Variants in AP1G1 observed in about 807,000 individuals in gnomAD.
The protein encoded by AP1G1 is AP-1 complex subunit gamma-1.
In AP1G1, 7 loss-of-function variants were observed where a neutral mutation model predicts 108.3. The observed-to-expected ratio is 0.06, with a 90% CI of 0.04 to 0.12. The LOEUF (loss-of-function observed/expected upper bound fraction) is 0.12, where lower values mean the gene tolerates loss of function less well. Among genes scored for constraint, AP1G1 ranks in the 10% least tolerant of loss-of-function variants. The probability of loss-of-function intolerance (pLI) is 1.00; values close to 1 mark genes in which losing one functional copy is unlikely to be tolerated. For missense variants in AP1G1, 756 were observed against 1,010.7 expected (o/e 0.75, Z 3.42); for synonymous variants, 379 against 353.5 (o/e 1.07, Z -0.81).
At chr16:71,740,512 T>C (rs566699332) in intron 19 of AP1G1, among the ~76,000 whole-genome samples, 178 of 152,360 alleles carry the variant, frequency 1.2e-3, no homozygotes, top group African/African-American at 4.1e-3. Context: ...TCTGTCATCT[T>C]GATAATGAAT....
intron 6 of AP1G1, 103 bp from the exon 7 acceptor site, chr16:71,765,687 A>G: frequency 1.2e-6 from 1 of 829,776 alleles, no homozygotes; most frequent in Admixed American, 2.0e-5. Context: ...GTCCCAGTCC[A>G]AGCAAATTCT....
intron 4 of AP1G1, among the ~76,000 whole-genome samples, chr16:71,771,683 T>C (rs925906348): frequency 1.3e-5 from 2 of 152,240 alleles, no homozygotes; most frequent in African/African-American, 2.4e-5. Context: ...GTATGGTTAA[T>C]ATGAATTTAT....
At chr16:71,794,285 T>C (rs552712571) in intron 1 of AP1G1, among the ~76,000 whole-genome samples, 1 of 152,334 alleles carries the variant, frequency 6.6e-6, no homozygotes, top group African/African-American at 2.4e-5. Flanking sequence ...CACTTACATT[T>C]AGTATTTCGA....
At chr16:71,759,284 C>T (rs934684753) in intron 10 of AP1G1, among the ~76,000 whole-genome samples, 2 of 151,682 alleles carry the variant, frequency 1.3e-5, no homozygotes, top group East Asian at 3.9e-4. Context: ...ATGGTGAAAC[C>T]CTATCTCTAA....
Position 71,733,115 on chromosome 16 carries a change from G to A in AP1G1, c.2412C>T (p.Gly804=). 6.2e-7 allele frequency: 1 copy of A among 1,614,136 alleles called. No individual in the cohort carries two copies. The highest frequency in any genetic ancestry group is 8.5e-7 in the Non-Finnish European group (1 of 1,180,012). The stretch of plus-strand genomic sequence containing the variant: ...CCTCTGCTAGATCTTGCATTGCTGA[G>A]CCCTTGTGATTATATGTAAGCTTGA... The part of the protein sequence containing the change: ...MRIKLTYNHK[G]SAMQDLAEVN... Residue 804 remains glycine, a synonymous_variant, in exon 23 of 23, where the codon GGC becomes GGT. Transcript: ENST00000299980.
At chr16:71,782,284 C>T (rs2032048616) in intron 2 of AP1G1, among the ~76,000 whole-genome samples, 1 of 151,876 alleles carries the variant, frequency 6.6e-6, no homozygotes, top group Non-Finnish European at 1.5e-5. Flanking sequence ...AAGCCTCAGC[C>T]TCCGGAATAC....
rs2045469885 is a variant in AP1G1, at chr16:71,730,956, A to T, written c.*2102T>A. 1 of 152,380 alleles carries T rather than the reference A, an allele frequency of 6.6e-6. No homozygotes were observed. The highest frequency in any genetic ancestry group is 2.4e-5 in the African/African-American group (1 of 41,468). The allele number at this position is 152,380 out of a possible 1,614,324, so 9.4% of individuals were successfully genotyped here. A position where few individuals can be genotyped will look rare whatever the true frequency, so the allele number is the denominator to read the frequency against. Reference sequence around the variant, plus strand: ...CAGAGATTCAACCCAGTTCAAATAAAAAAACCTGAGCTGGTTAGCTACAAA... The same window carrying T: ...CAGAGATTCAACCCAGTTCAAATAATAAAACCTGAGCTGGTTAGCTACAAA... On this transcript the variant is annotated 3_prime_UTR_variant, in exon 23 of 23. Coordinates refer to ENST00000299980, the MANE Select transcript of AP1G1 (RefSeq NM_001128.6).
chr16:71,775,990 A>C (rs1198659513), intron 2 of AP1G1, among the ~76,000 whole-genome samples: 2 of 152,202 alleles, frequency 1.3e-5, no homozygotes, highest in African/African-American at 4.8e-5. Flanking sequence ...AAAAGGCCAA[A>C]ACATTACCTC....
At chr16:71,797,616 T>C (rs1033365650) in intron 1 of AP1G1, among the ~76,000 whole-genome samples, 5 of 151,952 alleles carry the variant, frequency 3.3e-5, no homozygotes, top group Non-Finnish European at 5.9e-5. Flanking sequence ...CTGACCAACA[T>C]AGTGAAACCC....
intron 8 of AP1G1, 23 bp downstream of exon 8, chr16:71,764,623 T>C (rs1404043115): frequency 2.0e-6 from 3 of 1,507,706 alleles, no homozygotes; most frequent in Non-Finnish European, 2.7e-6. Flanking sequence ...TAAATATATA[T>C]TTAATATGTT....
rs749033038 is a variant in AP1G1, at chr16:71,764,712, C to A, written c.753G>T (p.Arg251=). 7 of 1,610,670 alleles carry A rather than the reference C, an allele frequency of 4.3e-6. No homozygotes were observed. Among genetic ancestry groups the A allele is most frequent in the Middle Eastern group, 1.7e-4 (1 of 6,042 alleles). Residue 251 remains arginine (R), a synonymous_variant, in exon 8 of 23, where the codon CGG becomes CGT. Transcript: ENST00000299980. ...CATTTCGTCCTAAAATTCTTAATAA[C>A]CGCAAAATTCGTACCTAACGTGCAA... ...SDPFLQVRIL[R]LLRILGRNDD...
At chr16:71,745,075 G>A in intron 19 of AP1G1, 69 bp downstream of exon 19, 1 of 1,563,074 alleles carries the variant, frequency 6.4e-7, no homozygotes, top group Non-Finnish European at 8.7e-7. Context: ...GGAAAGTCTG[G>A]GTTCAGTTTA....
At position 71,794,835 on chromosome 16, in the gene AP1G1, C is replaced by CTTTTTTTTTTTTTT. The variant is rs55761928; in HGVS notation, c.-3-5367_-3-5354dup. On this transcript the variant is annotated intron_variant, in intron 1 of 22. Coordinates refer to ENST00000299980, the MANE Select transcript of AP1G1 (RefSeq NM_001128.6). ...TACCATTCTCAGGCCATGAGAAGTGCTTTTTTTTTTTTTTTTTTTTTTTTT... is the reference window on the plus strand; with the variant it reads ...TACCATTCTCAGGCCATGAGAAGTGCTTTTTTTTTTTTTTTTTTTTTTTTTTTTTTTTTTTTTTT... Among the ~76,000 whole-genome samples, 185 of 39,654 alleles carry CTTTTTTTTTTTTTT rather than the reference C, an allele frequency of 4.7e-3. 14 individuals are homozygous for CTTTTTTTTTTTTTT. The highest frequency in any genetic ancestry group is 0.011 in the East Asian group (12 of 1,088). The allele number at this position is 39,654 out of a possible 152,430, so 26.0% of individuals were successfully genotyped here.
intron 7 of AP1G1, 101 bp downstream of exon 7, chr16:71,765,388 T>G: frequency 2.7e-6 from 2 of 731,892 alleles, no homozygotes; most frequent in South Asian, 3.6e-5. Context: ...ATCAATTAAC[T>G]ACCAAATTTC....
rs2045483046 is a variant in AP1G1 at position 71,732,380 on chromosome 16, T to C, written c.*678A>G. The C allele has an allele frequency of 6.6e-6, 1 of 152,604 alleles. No individual in the cohort carries two copies. Among genetic ancestry groups the C allele is most frequent in the Non-Finnish European group, 1.5e-5 (1 of 68,050 alleles). The allele number at this position is 152,604 out of a possible 1,614,324, so 9.5% of individuals were successfully genotyped here. A position where few individuals can be genotyped will look rare whatever the true frequency, so the allele number is the denominator to read the frequency against. On this transcript the variant is annotated 3_prime_UTR_variant, in exon 23 of 23. Coordinates refer to ENST00000299980, the MANE Select transcript of AP1G1 (RefSeq NM_001128.6). The stretch of plus-strand genomic sequence containing the variant: ...TCAACAAAAGCTCTTTTTAACTCCA[T>C]CTGTCCAGTGTTTACAAATAAACTC...
At chr16:71,737,292 T>C (rs1426499197) in intron 21 of AP1G1, among the ~76,000 whole-genome samples, 1 of 152,130 alleles carries the variant, frequency 6.6e-6, no homozygotes, top group Non-Finnish European at 1.5e-5. Flanking sequence ...CTTTTTTTTC[T>C]TCTTTTTTTT....
At chr16:71,793,900 T>C (rs1483888800) in intron 1 of AP1G1, among the ~76,000 whole-genome samples, 1 of 152,140 alleles carries the variant, frequency 6.6e-6, no homozygotes, top group Non-Finnish European at 1.5e-5. Flanking sequence ...GTATTTTTTT[T>C]AGAGATGAGG....
rs768091181 is a variant in AP1G1, at chr16:71,758,888, T to C, written c.1008A>G (p.Val336=). 1.2e-6 allele frequency: 2 copies of C among 1,607,328 alleles called. No homozygotes were observed. Among genetic ancestry groups the C allele is most frequent in the South Asian group, 2.2e-5 (2 of 89,090 alleles). The change falls in exon 11 of 23, where the codon GTA becomes GTG. Residue 336 remains valine, a synonymous_variant. Transcript: ENST00000299980. ...TCTGTACTGCATTATGATCTGTCTG[T>C]ACAGTCTTCAACAAAGATGTCAGAG... is the stretch of plus-strand genomic sequence containing the variant. ...YVALTSLLKT[V]QTDHNAVQRH... is the part of the protein sequence containing the mutation.
chr16:71,797,725 G>C (rs1441701912), intron 1 of AP1G1, among the ~76,000 whole-genome samples: 2 of 152,120 alleles, frequency 1.3e-5, no homozygotes, highest in African/African-American at 4.8e-5. Context: ...CTTGAACCCA[G>C]GAGGCGGGGA....
Sources: gnomAD v4.1 joint callset for allele counts (sites outside exome capture counted in the v4.1 genomes callset) on GRCh38, gnomAD v4.1.1 for gene constraint, MANE v1.5 for transcripts, NCBI Gene and HGNC (gene_info 2026-07-23, HGNC 2026-07-21) for gene names.